The following PLAGL1 variants were observed in gnomAD, a reference collection of about 807,000 sequenced individuals.
PLAGL1 encodes the protein zinc finger protein PLAGL1.
A neutral mutation model predicts 4.6 loss-of-function variants in PLAGL1; 1 was observed. The ratio of observed to expected loss-of-function variants is 0.22; its 90% CI spans 0.08 to 1.03. The LOEUF (loss-of-function observed/expected upper bound fraction) is 1.03. PLAGL1 is among the 50% of genes least tolerant of loss of function. PLAGL1 has a pLI of 0.58. For missense variants in PLAGL1, 464 were observed against 570.4 expected (o/e 0.81, Z 1.90); for synonymous variants, 240 against 237.8 (o/e 1.01, Z -0.08).
chr6:144,011,946 G>C (rs1263848618), upstream of PLAGL1, among the ~76,000 whole-genome samples: 2 of 152,146 alleles, frequency 1.3e-5, no homozygotes, highest in Non-Finnish European at 2.9e-5. This position sits in a 1 kb window ranked among gnomAD's most constrained non-coding sequence, Gnocchi z 4.3. Flanking sequence ...ACATCTCACA[G>C]GTGTGCCCTG....
rs1305454152 is a variant in PLAGL1 at position 143,997,448 on chromosome 6, A to T, written c.-584+10642T>A. On this transcript the variant is annotated intron_variant, in intron 1 of 7. Coordinates refer to ENST00000674357, the MANE Select transcript of PLAGL1 (RefSeq NM_001317162.2). The surrounding 1 kb of genome is among the most constrained non-coding windows in gnomAD (Gnocchi z 4.6). ...AGTCCTACTCAGAAAAAATACAAAA[A>T]GAACTACCTATTGATAGATGCATCA... is the stretch of plus-strand genomic sequence containing the variant. 6.6e-6 allele frequency among the ~76,000 whole-genome samples: 1 copy of T among 152,260 alleles called. No homozygotes were observed. Among genetic ancestry groups the T allele is most frequent in the Admixed American group, 6.5e-5 (1 of 15,286 alleles).
In PLAGL1 at chr6:143,942,290, C is replaced by A; in HGVS notation, c.526G>T (p.Val176Leu). ...AAGTCCTTGCATCCTGTGTGGACCACCAGGTGGCGTCGCACATCCTTCCGG... is the reference window on the plus strand; with the variant it reads ...AAGTCCTTGCATCCTGTGTGGACCAACAGGTGGCGTCGCACATCCTTCCGG... ...YTRKDVRRHL[V>L]VHTGCKDFLC... The change falls in exon 8 of 8, where the codon GTG becomes TTG. Residue 176 changes from valine (V) to leucine (L), a missense_variant. Physicochemically the swap from Val to Leu is conservative, Grantham distance 32. This residue lies in a region of PLAGL1 where 35 missense variants were observed against 77.3 expected (regional missense o/e 0.45). Transcript: ENST00000674357. This position sits in a 1 kb window ranked among gnomAD's most constrained non-coding sequence, Gnocchi z 7.6. The A allele has an allele frequency of 6.2e-7, 1 of 1,614,098 alleles. No individual in the cohort carries two copies. The highest frequency in any genetic ancestry group is 8.5e-7 in the Non-Finnish European group (1 of 1,179,994).
At chr6:144,060,066 T>TTTTTTTTTTTTTGAG (rs1562622602) in intron 1 of PLAGL1, among the ~76,000 whole-genome samples, 2 of 151,520 alleles carry the variant, frequency 1.3e-5, no homozygotes, top group African/African-American at 4.9e-5. Context: ...TTTTTTTTTT[T>TTTTTTTTTTTTTGAG]AAATAGGGTC....
At chr6:143,998,180 A>G (rs1178681354) in intron 1 of PLAGL1, among the ~76,000 whole-genome samples, 1 of 152,210 alleles carries the variant, frequency 6.6e-6, no homozygotes, top group African/African-American at 2.4e-5. Context: ...GTCCAAAGAA[A>G]ATAGGAGTAC....
chr6:143,987,265 C>T (rs948493439), intron 1 of PLAGL1, among the ~76,000 whole-genome samples: 1 of 151,608 alleles, frequency 6.6e-6, no homozygotes, highest in South Asian at 2.1e-4. Context: ...AGTGTGGTGA[C>T]GTGATCAAGG....
intron 1 of PLAGL1, among the ~76,000 whole-genome samples, chr6:143,996,613 CTTT>C (rs113499225): frequency 1.5e-5 from 2 of 133,636 alleles, no homozygotes; most frequent in African/African-American, 2.8e-5. Context: ...TATTTATTCC[CTTT>C]TTTTTTTTTT....
In PLAGL1 at chr6:143,947,928, T is replaced by A; in HGVS notation, c.152+57A>T. ...CCCTTGCATCGTGTGGTCTGAGGGC[T>A]AGAAAAGCCATTTAAACGTACTTCT... On this transcript the variant is annotated intron_variant, in intron 7 of 7. Coordinates refer to ENST00000674357, the MANE Select transcript of PLAGL1 (RefSeq NM_001317162.2). The surrounding 1 kb of genome is among the most constrained non-coding windows in gnomAD (Gnocchi z 4.3). 6.8e-7 allele frequency: 1 copy of A among 1,475,380 alleles called. No individual in the cohort carries two copies. Among genetic ancestry groups the A allele is most frequent in the Admixed American group, 1.7e-5 (1 of 58,810 alleles). 91.4% of individuals were successfully genotyped at this position (1,475,380 alleles called of 1,614,324 possible).
In PLAGL1 at chr6:143,979,124, AATG is replaced by A. The variant is rs1787323399; in HGVS notation, c.-544+6008_-544+6010del. ...ACAGTTTTAAAAAATCAGTGCTAAAAATGATATTTTTTTCATCCGTTAGCTTAT... is the reference window on the plus strand; with the variant it reads ...ACAGTTTTAAAAAATCAGTGCTAAAAATATTTTTTTCATCCGTTAGCTTAT... On this transcript the variant is annotated intron_variant, in intron 2 of 7. Transcript: ENST00000674357. The surrounding 1 kb of genome is among the most constrained non-coding windows in gnomAD (Gnocchi z 4.6). 2.6e-5 allele frequency among the ~76,000 whole-genome samples: 4 copies of A among 152,288 alleles called. No individual in the cohort carries two copies. In the South Asian group the frequency reaches 8.3e-4, roughly 32 times the overall value.
rs991030847 is a variant in PLAGL1 at position 143,972,426 on chromosome 6, T to G, written c.-543-3448A>C. Reference sequence around the variant, plus strand: ...GTGAAAGAAGGTATCTCAGAGATGTTTCCTTGTGATAATCTCAAGACTTTT... The same window carrying G: ...GTGAAAGAAGGTATCTCAGAGATGTGTCCTTGTGATAATCTCAAGACTTTT... On this transcript the variant is annotated intron_variant, in intron 2 of 7. Transcript: ENST00000674357. This position sits in a 1 kb window ranked among gnomAD's most constrained non-coding sequence, Gnocchi z 6.8. 1.6e-4 allele frequency among the ~76,000 whole-genome samples: 25 copies of G among 152,174 alleles called. No individual in the cohort carries two copies. Among genetic ancestry groups the G allele is most frequent in the African/African-American group, 5.8e-4 (24 of 41,442 alleles).
chr6:143,976,584 T>C (rs1030375691), intron 2 of PLAGL1, among the ~76,000 whole-genome samples: 3 of 152,154 alleles, frequency 2.0e-5, no homozygotes, highest in African/African-American at 7.2e-5. Flanking sequence ...TTACTTCCTG[T>C]TAATATTTTA....
At chr6:144,021,824 T>C (rs2128698942) in intron 1 of PLAGL1, among the ~76,000 whole-genome samples, 1 of 152,348 alleles carries the variant, frequency 6.6e-6, no homozygotes. Flanking sequence ...TAAGGAGATC[T>C]AACTATACAT....
At chr6:143,944,329 A>G (rs571648731) in intron 7 of PLAGL1, among the ~76,000 whole-genome samples, 3 of 152,224 alleles carry the variant, frequency 2.0e-5, no homozygotes, top group African/African-American at 7.2e-5. Flanking sequence ...GCAGCCGTTG[A>G]GTGGAGGCCC....
In PLAGL1 at chr6:143,941,335, T is replaced by C; in HGVS notation, c.*89A>G. 1.9e-6 allele frequency: 2 copies of C among 1,075,636 alleles called. No homozygotes were observed. The highest frequency in any genetic ancestry group is 2.6e-6 in the Non-Finnish European group (2 of 767,040). 66.6% of individuals were successfully genotyped at this position (1,075,636 alleles called of 1,614,324 possible). A position where few individuals can be genotyped will look rare whatever the true frequency, so the allele number is the denominator to read the frequency against. On this transcript the variant is annotated 3_prime_UTR_variant, in exon 8 of 8. Coordinates refer to ENST00000674357, the MANE Select transcript of PLAGL1 (RefSeq NM_001317162.2). This position sits in a 1 kb window ranked among gnomAD's most constrained non-coding sequence, Gnocchi z 6.0. ...TGAATAAGCCATAGTCCCAGTCTCG[T>C]TTTCCAAATCTTTCTCATATTGTAA... is the stretch of plus-strand genomic sequence containing the variant.
At chr6:143,993,040 G>C (rs754414864) in intron 1 of PLAGL1, among the ~76,000 whole-genome samples, 6 of 150,754 alleles carry the variant, frequency 4.0e-5, no homozygotes, top group Admixed American at 6.6e-5. Context: ...CGGGTGCGGT[G>C]GCTCACGCTT....
At position 143,948,311 on chromosome 6, in the gene PLAGL1, G is replaced by A. The variant is rs1780256926; in HGVS notation, c.-175C>T. On this transcript the variant is annotated 5_prime_UTR_variant, in exon 7 of 8. Coordinates refer to ENST00000674357, the MANE Select transcript of PLAGL1 (RefSeq NM_001317162.2). This position sits in a 1 kb window ranked among gnomAD's most constrained non-coding sequence, Gnocchi z 6.0. ...CTACCCAGACATGGACCTCTCAGCT[G>A]TCACTAGCTTTGCTTCCTGCTTTCA... 1 of 581,180 alleles carries A rather than the reference G, an allele frequency of 1.7e-6. No homozygotes were observed. Among genetic ancestry groups the A allele is most frequent in the Non-Finnish European group, 3.1e-6 (1 of 322,764 alleles). The allele number at this position is 581,180 out of a possible 1,614,324, so 36.0% of individuals were successfully genotyped here. A position where few individuals can be genotyped will look rare whatever the true frequency, so the allele number is the denominator to read the frequency against.
At position 143,940,888 on chromosome 6, in the gene PLAGL1, T is replaced by C. The variant is rs1023864112; in HGVS notation, c.*536A>G. On this transcript the variant is annotated 3_prime_UTR_variant, in exon 8 of 8. Transcript: ENST00000674357. Reference sequence around the variant, plus strand: ...AGAACTCTATTGCTCCACAAGAAAATGTATATGTAAAACTACAGGTTGGCT... The same window carrying C: ...AGAACTCTATTGCTCCACAAGAAAACGTATATGTAAAACTACAGGTTGGCT... The C allele has an allele frequency of 6.6e-6, 1 of 152,612 alleles. No homozygotes were observed. The highest frequency in any genetic ancestry group is 1.5e-5 in the Non-Finnish European group (1 of 68,042). 9.5% of individuals were successfully genotyped at this position (152,612 alleles called of 1,614,324 possible).
Position 143,941,693 on chromosome 6 carries a change from G to A in PLAGL1, c.1123C>T (p.Pro375Ser), listed in dbSNP as rs774021173. Residue 375 changes from proline to serine, a missense_variant, in exon 8 of 8, where the codon CCT becomes TCT. Coordinates refer to ENST00000674357, the MANE Select transcript of PLAGL1 (RefSeq NM_001317162.2). This position sits in a 1 kb window ranked among gnomAD's most constrained non-coding sequence, Gnocchi z 6.0. ...AGGGGGGACAGGTCCAGAGAGGCAG[G>A]TATTGTTAGGTTCACAGCATCTGCA... ...LPADAVNLTI[P>S]ASLDLSPLLG... 10 of 1,614,134 alleles carry A rather than the reference G, an allele frequency of 6.2e-6. No individual in the cohort carries two copies. The highest frequency in any genetic ancestry group is 1.6e-4 in the Middle Eastern group (1 of 6,084).
Position 143,950,285 on chromosome 6 carries a change from C to CGG in PLAGL1, c.-324-1827_-324-1826dup, listed in dbSNP as rs1780768242. On this transcript the variant is annotated intron_variant, in intron 6 of 7. Coordinates refer to ENST00000674357, the MANE Select transcript of PLAGL1 (RefSeq NM_001317162.2). This position sits in a 1 kb window ranked among gnomAD's most constrained non-coding sequence, Gnocchi z 6.3. ...TGTGACTTTAACTAATTACCTGTCC[C>CGG]GGCTCTGCCCAAACCCCTTTCCCCC... Among the ~76,000 whole-genome samples, 1 of 152,178 alleles carries CGG rather than the reference C, an allele frequency of 6.6e-6. No individual in the cohort carries two copies. Among genetic ancestry groups the CGG allele is most frequent in the Admixed American group, 6.5e-5 (1 of 15,282 alleles).
chr6:143,941,720 G>A lies in PLAGL1; in HGVS notation c.1096C>T (p.Pro366Ser), dbSNP rs372153249. Reference sequence around the variant, plus strand: ...ATTGTTAGGTTCACAGCATCTGCAGGCAGCTCCTTGGGCAGGTTTACTTTA... The same window carrying A: ...ATTGTTAGGTTCACAGCATCTGCAGACAGCTCCTTGGGCAGGTTTACTTTA... ...AGKVNLPKEL[P>S]ADAVNLTIPA... Residue 366 changes from proline (P) to serine (S), a missense_variant, in exon 8 of 8, where the codon CCT becomes TCT. Physicochemically the swap from Pro to Ser is moderately conservative, Grantham distance 74. This residue lies in a region of PLAGL1 where 248 missense variants were observed against 250.1 expected (regional missense o/e 0.99). Coordinates refer to ENST00000674357, the MANE Select transcript of PLAGL1 (RefSeq NM_001317162.2). This position sits in a 1 kb window ranked among gnomAD's most constrained non-coding sequence, Gnocchi z 6.0. The A allele has an allele frequency of 6.2e-7, 1 of 1,614,244 alleles. No homozygotes were observed. The highest frequency in any genetic ancestry group is 8.5e-7 in the Non-Finnish European group (1 of 1,180,030).
Sources: allele counts gnomAD v4.1 joint callset (sites outside exome capture counted in the v4.1 genomes callset), GRCh38; gene constraint gnomAD v4.1.1; regional missense constraint gnomAD v4.1.1; non-coding constraint Gnocchi (gnomAD v3.1); transcripts MANE v1.5; gene names NCBI Gene and HGNC (gene_info 2026-07-23, HGNC 2026-07-21).